The following CPVL variants were observed in gnomAD, a reference collection of about 807,000 sequenced individuals.
The protein encoded by CPVL is carboxypeptidase vitellogenic like, also known as probable serine carboxypeptidase CPVL.
A neutral mutation model predicts 63.7 loss-of-function variants in CPVL; 51 were observed. The observed-to-expected ratio is 0.80, with a 90% CI of 0.64 to 1.01. The LOEUF is 1.01. Ranked by LOEUF, CPVL falls within the 50% of genes least tolerant of loss-of-function variation. The probability of loss-of-function intolerance (pLI) is 0.00; values close to 1 mark genes in which losing one functional copy is unlikely to be tolerated. For synonymous variants in CPVL, 195 were observed against 206.0 expected, an observed-to-expected ratio of 0.95 and a Z score of 0.46; for missense variants, 530 against 573.1, an observed-to-expected ratio of 0.92 and a Z score of 0.77.
chr7:29,115,641 C>CA (rs11342685), intron 2 of CPVL, among the ~76,000 whole-genome samples: 1,864 of 144,212 alleles, frequency 0.013, 17 homozygotes, highest in Non-Finnish European at 0.02. Flanking sequence ...CCCTGCCTCC[C>CA]AAAAAAAAAA....
At chr7:29,104,727 T>C (rs887388749) in intron 3 of CPVL, among the ~76,000 whole-genome samples, 11 of 152,354 alleles carry the variant, frequency 7.2e-5, no homozygotes, top group Non-Finnish European at 5.9e-5. Context: ...GAGATAGTTA[T>C]GGCTATTCTC....
At chr7:29,062,611 CT>C (rs1193028410) in intron 11 of CPVL, among the ~76,000 whole-genome samples, 2 of 152,178 alleles carry the variant, frequency 1.3e-5, no homozygotes, top group Non-Finnish European at 2.9e-5. Context: ...CTGGCATATT[CT>C]AAACCACAGT....
At chr7:29,075,592 A>G (rs541036013) in intron 7 of CPVL, among the ~76,000 whole-genome samples, 4 of 150,482 alleles carry the variant, frequency 2.7e-5, no homozygotes, top group Admixed American at 6.6e-5. Flanking sequence ...AGGTCCCCCA[A>G]GGTGGAACTA....
At chr7:29,105,670 A>C (rs1312546825) in intron 3 of CPVL, among the ~76,000 whole-genome samples, 2 of 152,074 alleles carry the variant, frequency 1.3e-5, no homozygotes. Flanking sequence ...TTATTTTTTT[A>C]CTTGGAAACA....
intron 12 of CPVL, among the ~76,000 whole-genome samples, chr7:29,007,774 C>CACAG (rs386409802): frequency 6.6e-6 from 1 of 151,342 alleles, no homozygotes; most frequent in African/African-American, 2.4e-5. Flanking sequence ...CACACACACA[C>CACAG]AGTCAGAGGC....
intron 11 of CPVL, among the ~76,000 whole-genome samples, chr7:29,058,026 G>C (rs1790917020): frequency 6.6e-6 from 1 of 152,024 alleles, no homozygotes; most frequent in East Asian, 1.9e-4. Context: ...CCTCTCCTTA[G>C]AAACTTTAGA....
intron 5 of CPVL, among the ~76,000 whole-genome samples, chr7:29,151,712 T>A (rs542769022): frequency 6.6e-6 from 1 of 152,314 alleles, no homozygotes; most frequent in South Asian, 2.1e-4. Flanking sequence ...ACCGATGGCA[T>A]CTGAATCCCA....
chr7:29,139,729 T>C (rs577416181), intron 1 of CPVL, among the ~76,000 whole-genome samples: 24 of 152,126 alleles, frequency 1.6e-4, no homozygotes, highest in Non-Finnish European at 2.8e-4. Context: ...TTACATGGAG[T>C]GTGCAGTCTG....
chr7:29,151,805 A>G (rs1311602504), intron 5 of CPVL, among the ~76,000 whole-genome samples: 3 of 152,174 alleles, frequency 2.0e-5, no homozygotes, highest in Non-Finnish European at 4.4e-5. Flanking sequence ...TGGGAAGAGA[A>G]CACCACCAAT....
At chr7:29,189,709 CCT>C (rs1269540548) in intron 1 of CPVL, among the ~76,000 whole-genome samples, 1 of 152,124 alleles carries the variant, frequency 6.6e-6, no homozygotes, top group Non-Finnish European at 1.5e-5. Flanking sequence ...TCCCCTTCTC[CCT>C]CTCTGTCTTT....
chr7:29,159,841 T>C (rs950639671), intron 5 of CPVL, among the ~76,000 whole-genome samples: 1 of 152,212 alleles, frequency 6.6e-6, no homozygotes, highest in African/African-American at 2.4e-5. Flanking sequence ...TATTGTGATT[T>C]GTCTCAACTA....
intron 3 of CPVL, among the ~76,000 whole-genome samples, chr7:29,098,877 A>G (rs962987079): frequency 2.6e-5 from 4 of 152,192 alleles, no homozygotes; most frequent in African/African-American, 9.7e-5. Flanking sequence ...AGCCTGACCA[A>G]CATGGAGAAA....
At position 29,177,360 on chromosome 7, in the gene CPVL, TCTC is replaced by T. The variant is rs534181795; in HGVS notation, c.-11+3927_-11+3929del. On this transcript the variant is annotated intron_variant, in intron 5 of 16. Transcript: ENST00000409850. ...CCTCTGCCTCCCGGGTTCAAGCAATTCTCCTGCCGCAATCTCCTGAGTAGCTGG... is the reference window on the plus strand; with the variant it reads ...CCTCTGCCTCCCGGGTTCAAGCAATTCTGCCGCAATCTCCTGAGTAGCTGG... 7.9e-5 allele frequency among the ~76,000 whole-genome samples: 12 copies of T among 152,212 alleles called. No homozygotes were observed. The East Asian group carries it at 2.3e-3, about 29-fold the overall frequency.
At chr7:29,058,723 C>G (rs1183548140) in intron 11 of CPVL, among the ~76,000 whole-genome samples, 1 of 152,090 alleles carries the variant, frequency 6.6e-6, no homozygotes, top group African/African-American at 2.4e-5. Context: ...ACTCCATGCT[C>G]TTCTTGTTGG....
intron 11 of CPVL, among the ~76,000 whole-genome samples, chr7:29,051,682 G>A (rs1790178167): frequency 6.6e-6 from 1 of 152,072 alleles, no homozygotes; most frequent in Non-Finnish European, 1.5e-5. Flanking sequence ...ATGGAAAACA[G>A]TGTGGTTTCC....
chr7:29,068,561 A>G (rs1783371130), intron 9 of CPVL, among the ~76,000 whole-genome samples: 1 of 152,148 alleles, frequency 6.6e-6, no homozygotes, highest in Non-Finnish European at 1.5e-5. Flanking sequence ...GCTGAGCTGG[A>G]GAGCCTGGCT....
rs376252758 is a variant in CPVL, at chr7:29,120,946, G to A, written c.116C>T (p.Ser39Leu). ...AGGGGTGAGAAATAATGGCTGTCCT[G>A]AGTCTCCCTTAGGTGGCATGGAAAC... ...RSVSMPPKGD[S>L]GQPLFLTPYI... Residue 39 changes from serine to leucine, a missense_variant, in exon 2 of 13, where the codon TCA becomes TTA. By Grantham distance (145) the Ser-to-Leu change is moderately radical. Transcript: ENST00000265394. The A allele has an allele frequency of 3.1e-6, 5 of 1,613,644 alleles. No individual in the cohort carries two copies. The highest frequency in any genetic ancestry group is 4.2e-6 in the Non-Finnish European group (5 of 1,179,922).
chr7:29,113,251 G>A (rs576949451), intron 2 of CPVL, among the ~76,000 whole-genome samples: 74 of 152,126 alleles, frequency 4.9e-4, no homozygotes, highest in African/African-American at 4.6e-4. Flanking sequence ...TCTCGGCCTC[G>A]CCCCGAGAAG....
exon 1 of CPVL, chr7:29,195,155 T>A: frequency 1.6e-6 from 1 of 619,844 alleles, no homozygotes; most frequent in South Asian, 2.6e-5. Context: ...AGCACCTCGG[T>A]GCCCAGAGCA....
Sources: gnomAD v4.1 joint callset for allele counts (sites outside exome capture counted in the v4.1 genomes callset) on GRCh38, gnomAD v4.1.1 for gene constraint, MANE v1.5 for transcripts, NCBI Gene and HGNC (gene_info 2026-07-23, HGNC 2026-07-21) for gene names.